Variants in GLP2R observed in about 807,000 individuals in gnomAD.
GLP2R encodes the protein glucagon-like peptide 2 receptor.
In GLP2R, 59 loss-of-function variants were observed where a neutral mutation model predicts 68.2. That is an observed-to-expected ratio of 0.87 (90% confidence interval 0.70 to 1.07). GLP2R has a LOEUF of 1.07. Ranked by LOEUF, GLP2R falls within the 50% of genes least tolerant of loss-of-function variation. The pLI is 0.00. For missense variants in GLP2R, 548 were observed against 677.4 expected (o/e 0.81, Z 2.12); for synonymous variants, 270 against 265.4 (o/e 1.02, Z -0.17).
chr17:9,833,517 G>A (rs1256579256), intron 1 of GLP2R, among the ~76,000 whole-genome samples: 4 of 152,212 alleles, frequency 2.6e-5, no homozygotes, highest in Non-Finnish European at 5.9e-5. Context: ...GTGGGAGGAT[G>A]CAAAAGTTTA....
At chr17:9,833,996 T>C in intron 2 of GLP2R, 102 bp downstream of exon 2, 3 of 787,524 alleles carry the variant, frequency 3.8e-6, no homozygotes, top group Non-Finnish European at 6.7e-6. Flanking sequence ...ATAGTTTCTG[T>C]GGGTGAGGAA....
At chr17:9,881,917 T>C (rs569872425) in intron 11 of GLP2R, among the ~76,000 whole-genome samples, 1 of 152,106 alleles carries the variant, frequency 6.6e-6, no homozygotes, top group African/African-American at 2.4e-5. Flanking sequence ...TCTTTAAATG[T>C]TGGTGTGGGG....
At chr17:9,842,193 T>C (rs1390838960) in intron 3 of GLP2R, among the ~76,000 whole-genome samples, 6 of 152,138 alleles carry the variant, frequency 3.9e-5, no homozygotes, top group Non-Finnish European at 7.4e-5. Context: ...GGAGCCCAGA[T>C]TGGCATCTCC....
At position 9,861,957 on chromosome 17, in the gene GLP2R, C is replaced by G. The variant is rs1421024216; in HGVS notation, c.987-64C>G. 3.6e-6 allele frequency: 4 copies of G among 1,104,296 alleles called. No individual in the cohort carries two copies. In the East Asian group the frequency reaches 9.4e-5, roughly 26 times the overall value. 68.4% of individuals were successfully genotyped at this position (1,104,296 alleles called of 1,614,324 possible). A position where few individuals can be genotyped will look rare whatever the true frequency, so the allele number is the denominator to read the frequency against. On this transcript the variant is annotated intron_variant, in intron 8 of 12. Coordinates refer to ENST00000262441, the MANE Select transcript of GLP2R (RefSeq NM_004246.3). Reference sequence around the variant, plus strand: ...CATCCTTCTTCCAGAGAGCATGAGGCTTTGACTTTCAACCTCCTCTTGTTT... The same window carrying G: ...CATCCTTCTTCCAGAGAGCATGAGGGTTTGACTTTCAACCTCCTCTTGTTT...
intron 9 of GLP2R, among the ~76,000 whole-genome samples, chr17:9,863,778 G>C (rs916462883): frequency 6.6e-6 from 1 of 152,124 alleles, no homozygotes; most frequent in East Asian, 1.9e-4. Context: ...GCAGGCTTCT[G>C]CTCCAGCCCT....
intron 9 of GLP2R, among the ~76,000 whole-genome samples, chr17:9,864,632 T>G (rs759432048): frequency 2.5e-4 from 38 of 152,086 alleles, no homozygotes; most frequent in Non-Finnish European, 4.1e-4. Context: ...AAGCGATTCT[T>G]GTGCCTCAGC....
At chr17:9,874,096 A>T (rs1255616743) in intron 10 of GLP2R, among the ~76,000 whole-genome samples, 3 of 152,220 alleles carry the variant, frequency 2.0e-5, no homozygotes, top group Non-Finnish European at 2.9e-5. Context: ...GATAAAAATT[A>T]ATATATATAC....
At position 9,859,942 on chromosome 17, in the gene GLP2R, A is replaced by C. The variant is rs758867906; in HGVS notation, c.766A>C (p.Met256Leu). ...CCCTCAGGTGTTTTTTCCTCTGCAG[A>C]TGTCCACCTCCTGCCGCTCAGTCCA... ...ENGWMSYLSE[M>L]STSCRSVQVL... Residue 256 changes from methionine to leucine, a missense_variant and splice_region_variant, in exon 7 of 13, where the codon ATG becomes CTG. By Grantham distance (15) the Met-to-Leu change is conservative. Transcript: ENST00000262441. 8 of 1,597,108 alleles carry C rather than the reference A, an allele frequency of 5.0e-6. No individual in the cohort carries two copies. In the Admixed American group the frequency reaches 1.4e-4, roughly 27 times the overall value.
intron 1 of GLP2R, among the ~76,000 whole-genome samples, chr17:9,830,743 T>A (rs572538329): frequency 1.3e-5 from 2 of 152,304 alleles, no homozygotes; most frequent in Admixed American, 1.3e-4. Context: ...ATTCATGGTG[T>A]TAACATTAGA....
At chr17:9,851,834 C>T (rs2066894010) in intron 4 of GLP2R, among the ~76,000 whole-genome samples, 1 of 151,392 alleles carries the variant, frequency 6.6e-6, no homozygotes, top group Non-Finnish European at 1.5e-5. Context: ...TAAAATCACA[C>T]AAAATATATT....
chr17:9,865,587 T>G (rs2067028072), intron 9 of GLP2R, among the ~76,000 whole-genome samples: 1 of 152,190 alleles, frequency 6.6e-6, no homozygotes. Context: ...AGTTCTCCAA[T>G]TCCACCATGG....
At chr17:9,841,182 AAT>A (rs1491571026) in intron 3 of GLP2R, among the ~76,000 whole-genome samples, 1 of 93,318 alleles carries the variant, frequency 1.1e-5, no homozygotes, top group Non-Finnish European at 2.6e-5. Context: ...ATGCCTAGCT[AAT>A]TTTTTTTTTT....
chr17:9,839,459 C>T (rs2066764362), intron 3 of GLP2R, among the ~76,000 whole-genome samples: 1 of 152,034 alleles, frequency 6.6e-6, no homozygotes. Flanking sequence ...TCAGGGTCCA[C>T]CTGGCCCCAC....
intron 4 of GLP2R, among the ~76,000 whole-genome samples, chr17:9,848,947 G>A (rs907602850): frequency 1.9e-4 from 29 of 151,340 alleles, no homozygotes; most frequent in African/African-American, 5.6e-4. Flanking sequence ...ATGGAATTGC[G>A]TTTAATGGAA....
chr17:9,842,701 G>T (rs2066799384), intron 4 of GLP2R, 85 bp downstream of exon 4: 2 of 1,469,516 alleles, frequency 1.4e-6, no homozygotes, highest in Non-Finnish European at 1.9e-6. Flanking sequence ...TGGCTCCAGG[G>T]GCCACACAAA....
intron 2 of GLP2R, among the ~76,000 whole-genome samples, chr17:9,835,559 G>A (rs2066720389): frequency 6.6e-6 from 1 of 152,168 alleles, no homozygotes; most frequent in African/African-American, 2.4e-5. Flanking sequence ...ACTTGTGTTG[G>A]TTATGTGTGA....
At chr17:9,854,673 C>A (rs1196022151) in intron 5 of GLP2R, 72 bp downstream of exon 5, 2 of 886,144 alleles carry the variant, frequency 2.3e-6, no homozygotes, top group African/African-American at 3.3e-5. Flanking sequence ...GGGATATGTT[C>A]TAAGAGTTCC....
chr17:9,853,558 A>G (rs993147117), intron 4 of GLP2R, among the ~76,000 whole-genome samples: 2 of 152,236 alleles, frequency 1.3e-5, no homozygotes, highest in African/African-American at 2.4e-5. Flanking sequence ...TACTTTATAG[A>G]CATTAGAAGG....
chr17:9,841,018 A>ATTTTT (rs10624268), intron 3 of GLP2R, among the ~76,000 whole-genome samples: 14 of 138,968 alleles, frequency 1.0e-4, no homozygotes, highest in African/African-American at 2.7e-4. Context: ...GGTGTGGCTA[A>ATTTTT]TTTTTTTTTT....
Sources: allele counts gnomAD v4.1 joint callset (sites outside exome capture counted in the v4.1 genomes callset), GRCh38; gene constraint gnomAD v4.1.1; transcripts MANE v1.5; gene names NCBI Gene and HGNC (gene_info 2026-07-23, HGNC 2026-07-21).